The following ACER1 variants were observed in gnomAD, a reference collection of about 807,000 sequenced individuals.
ACER1 encodes the protein CTB-180A7.3.
Under a neutral mutation model 24.9 loss-of-function variants are expected in ACER1, and 28 were observed. That is an observed-to-expected ratio of 1.13 (90% CI 0.83 to 1.54). The LOEUF is 1.54. ACER1 is among the 40% of genes most tolerant of loss of function. ACER1 has a pLI of 0.00. For synonymous variants in ACER1, 132 were observed against 131.4 expected (o/e 1.00, Z -0.03); for missense variants, 352 against 349.3 (o/e 1.01, Z -0.06).
upstream of ACER1, among the ~76,000 whole-genome samples, chr19:6,335,533 G>A (rs2091710557): frequency 6.6e-6 from 1 of 151,858 alleles, no homozygotes; most frequent in Admixed American, 6.6e-5. Flanking sequence ...TTCATTTAAT[G>A]TTCTTAACAA....
chr19:6,359,635 T>A, the ACER1 span, among the ~76,000 whole-genome samples: 3 of 152,080 alleles, frequency 2.0e-5, no homozygotes, highest in East Asian at 5.8e-4. Context: ...TCTGCTGTGA[T>A]TCGAAGGACT....
intron 5 of ACER1, 115 bp downstream of exon 5, chr19:6,307,038 G>A (rs1600232665): frequency 6.6e-7 from 1 of 1,521,484 alleles, no homozygotes; most frequent in Admixed American, 1.9e-5. Flanking sequence ...AGGTCCCAGT[G>A]TCTGGCTCTC....
chr19:6,349,129 GGAAGAA>G, the ACER1 span, among the ~76,000 whole-genome samples: 1 of 149,126 alleles, frequency 6.7e-6, no homozygotes, highest in African/African-American at 2.5e-5. Context: ...AGGAGGAAGA[GGAAGAA>G]GAAGAAGAAA....
the ACER1 span, among the ~76,000 whole-genome samples, chr19:6,341,909 G>A: frequency 1.3e-5 from 2 of 152,188 alleles, no homozygotes; most frequent in East Asian, 1.9e-4. Flanking sequence ...GATTACAGGC[G>A]TGAGCCACTG....
intron 3 of ACER1, 120 bp from the exon 4 acceptor site, chr19:6,309,954 A>T: frequency 7.7e-7 from 1 of 1,304,954 alleles, no homozygotes; most frequent in Admixed American, 2.2e-5. Flanking sequence ...GGGAGCCCAG[A>T]TAGGCTCAGA....
At chr19:6,358,970 G>T in the ACER1 span, among the ~76,000 whole-genome samples, 2 of 150,344 alleles carry the variant, frequency 1.3e-5, no homozygotes, top group African/African-American at 5.0e-5. Context: ...TGGGCATGAT[G>T]GTTCATGTCT....
chr19:6,356,517 C>T, the ACER1 span, among the ~76,000 whole-genome samples: 1 of 152,048 alleles, frequency 6.6e-6, no homozygotes, highest in Non-Finnish European at 1.5e-5. Context: ...GGACACCCTA[C>T]TACCCATACC....
chr19:6,339,690 T>C, the ACER1 span, among the ~76,000 whole-genome samples: 1 of 152,084 alleles, frequency 6.6e-6, no homozygotes. Flanking sequence ...TTTTTTGAGA[T>C]GGAGTCTCTC....
chr19:6,335,224 C>CTTTTTTTTTTTTT (rs146932699), upstream of ACER1, among the ~76,000 whole-genome samples: 6 of 102,230 alleles, frequency 5.9e-5, no homozygotes, highest in Non-Finnish European at 9.9e-5. Context: ...ATTTAACGTT[C>CTTTTTTTTTTTTT]TTTTTTTTTT....
chr19:6,355,573 G>A, the ACER1 span, among the ~76,000 whole-genome samples: 2 of 151,356 alleles, frequency 1.3e-5, no homozygotes, highest in African/African-American at 2.4e-5. Context: ...CCGGGAGGGA[G>A]GTGGGGGTCA....
chr19:6,333,017 C>A (rs2091696090), intron 1 of ACER1, among the ~76,000 whole-genome samples: 1 of 152,064 alleles, frequency 6.6e-6, no homozygotes, highest in Non-Finnish European at 1.5e-5. Context: ...CCCAGGCACA[C>A]TGGGACAAGT....
At chr19:6,311,553 A>AC (rs2091580429) in intron 3 of ACER1, among the ~76,000 whole-genome samples, 1 of 151,602 alleles carries the variant, frequency 6.6e-6, no homozygotes, top group South Asian at 2.1e-4. Flanking sequence ...AAAAGGAAGA[A>AC]GAAGGAGGAG....
At chr19:6,311,613 A>AAGGAGG (rs1464775904) in intron 3 of ACER1, among the ~76,000 whole-genome samples, 1 of 147,634 alleles carries the variant, frequency 6.8e-6, no homozygotes, top group Admixed American at 6.7e-5. Context: ...GAAGAAGGAG[A>AAGGAGG]AGGAGAAGGA....
chr19:6,312,529 T>C (rs767764892), intron 1 of ACER1, 30 bp from the exon 2 acceptor site: 4 of 1,579,962 alleles, frequency 2.5e-6, no homozygotes, highest in Admixed American at 1.7e-5. Flanking sequence ...AGGGAGGAGC[T>C]CGTCAGATAG....
chr19:6,320,294 AC>A (rs1471112470), intron 1 of ACER1, among the ~76,000 whole-genome samples: 1 of 152,044 alleles, frequency 6.6e-6, no homozygotes, highest in Non-Finnish European at 1.5e-5. Flanking sequence ...CGAAGTGTGC[AC>A]CGGCCACAGC....
In ACER1 at chr19:6,312,146, C is replaced by T. The variant is rs2091584836; in HGVS notation, c.350+3G>A. The T allele has an allele frequency of 6.2e-7, 1 of 1,613,138 alleles. No individual in the cohort carries two copies. The highest frequency in any genetic ancestry group is 1.7e-5 in the Admixed American group (1 of 59,956). ...CTGTCCAGATGGCCAGCCCCTGACC[C>T]ACCTGTTCCCCCCAAGGAAGGAGGG... On this transcript the variant is annotated splice_donor_region_variant and intron_variant, in intron 3 of 5. Transcript: ENST00000301452.
At chr19:6,350,630 G>A in the ACER1 span, among the ~76,000 whole-genome samples, 2 of 149,956 alleles carry the variant, frequency 1.3e-5, no homozygotes, top group Non-Finnish European at 3.0e-5. Flanking sequence ...AGGGAAGGAG[G>A]GAGGGAGAGA....
chr19:6,354,980 G>A, the ACER1 span, among the ~76,000 whole-genome samples: 1 of 152,078 alleles, frequency 6.6e-6, no homozygotes, highest in Non-Finnish European at 1.5e-5. Flanking sequence ...GCGCCACCAC[G>A]CCTGACTGGT....
At position 6,306,327 on chromosome 19, in the gene ACER1, C is replaced by T. The variant is rs369992207; in HGVS notation, c.*387G>A. ...CCTCCCAAAGTGCTGGGATTATAGGCGTGAGCCACCGTTCCCAGCCTAGAA... is the reference window on the plus strand; with the variant it reads ...CCTCCCAAAGTGCTGGGATTATAGGTGTGAGCCACCGTTCCCAGCCTAGAA... On this transcript the variant is annotated 3_prime_UTR_variant, in exon 6 of 6. Transcript: ENST00000301452. 9.1e-5 allele frequency: 15 copies of T among 165,238 alleles called. No individual in the cohort carries two copies. Among genetic ancestry groups the T allele is most frequent in the African/African-American group, 2.1e-4 (9 of 42,192 alleles). 10.2% of individuals were successfully genotyped at this position (165,238 alleles called of 1,614,324 possible).
Sources: gnomAD v4.1 joint callset for allele counts (sites outside exome capture counted in the v4.1 genomes callset) on GRCh38, gnomAD v4.1.1 for gene constraint, MANE v1.5 for transcripts, NCBI Gene and HGNC (gene_info 2026-07-23, HGNC 2026-07-21) for gene names.